The following ATP6V0D2 variants were observed in gnomAD, a reference collection of about 807,000 sequenced individuals.
ATP6V0D2 encodes V-type proton ATPase subunit d 2.
In ATP6V0D2, 40 loss-of-function variants were observed where a neutral mutation model predicts 40.0. The ratio of observed to expected loss-of-function variants is 1.00; its 90% CI spans 0.78 to 1.30. The LOEUF (loss-of-function observed/expected upper bound fraction) is 1.30. Ranked by LOEUF, ATP6V0D2 falls within the 50% of genes most tolerant of loss-of-function variation. The pLI, the probability that ATP6V0D2 is intolerant of heterozygous loss-of-function variation, is 0.00. For synonymous variants in ATP6V0D2, 179 were observed against 156.3 expected (o/e 1.15, Z -1.08); for missense variants, 470 against 423.1 (o/e 1.11, Z -0.97).
chr8:86,150,925 G>A (rs1008526326), intron 6 of ATP6V0D2, among the ~76,000 whole-genome samples: 3 of 152,134 alleles, frequency 2.0e-5, no homozygotes, highest in Non-Finnish European at 4.4e-5. Flanking sequence ...GGGCTAGAAT[G>A]ACACTCATCT....
At chr8:86,151,342 C>G in intron 6 of ATP6V0D2, 124 bp from the exon 7 acceptor site, 1 of 697,362 alleles carries the variant, frequency 1.4e-6, no homozygotes, top group South Asian at 2.4e-5. Context: ...TATAAAAAAA[C>G]ATTCAGTCCT....
intron 1 of ATP6V0D2, among the ~76,000 whole-genome samples, chr8:86,099,509 T>C (rs1818366320): frequency 6.6e-6 from 1 of 152,210 alleles, no homozygotes; most frequent in Non-Finnish European, 1.5e-5. Context: ...TATTTATTTA[T>C]TGAGATGGAG....
At chr8:86,111,433 C>T (rs780076627) in intron 1 of ATP6V0D2, among the ~76,000 whole-genome samples, 16 of 152,166 alleles carry the variant, frequency 1.1e-4, no homozygotes, top group Admixed American at 5.2e-4. Context: ...TTTTGAAGGC[C>T]GAGCAGTATC....
chr8:86,149,372 G>T (rs1273708686), intron 5 of ATP6V0D2, among the ~76,000 whole-genome samples: 2 of 152,192 alleles, frequency 1.3e-5, no homozygotes, highest in African/African-American at 4.8e-5. Context: ...CAGGAATGAT[G>T]AAGGGATACG....
intron 5 of ATP6V0D2, among the ~76,000 whole-genome samples, chr8:86,143,364 T>A (rs545541104): frequency 6.6e-6 from 1 of 152,318 alleles, no homozygotes; most frequent in South Asian, 2.1e-4. Flanking sequence ...TAGAGTAAAG[T>A]GAAAGCAAGT....
chr8:86,101,184 T>C (rs2130220883), intron 1 of ATP6V0D2, among the ~76,000 whole-genome samples: 1 of 145,748 alleles, frequency 6.9e-6, no homozygotes, highest in South Asian at 2.2e-4. Context: ...ATAGGTCGGG[T>C]ATAGTGGCTC....
At chr8:86,113,504 T>G (rs1024282823) in intron 1 of ATP6V0D2, among the ~76,000 whole-genome samples, 3 of 152,142 alleles carry the variant, frequency 2.0e-5, no homozygotes, top group Non-Finnish European at 2.9e-5. Flanking sequence ...AAACACATTT[T>G]CTGGTGTGCT....
intron 2 of ATP6V0D2, among the ~76,000 whole-genome samples, chr8:86,131,929 G>C (rs1045123271): frequency 1.3e-5 from 2 of 152,104 alleles, no homozygotes; most frequent in African/African-American, 4.8e-5. Context: ...TGTCCCCCTA[G>C]GTCTACAGGA....
At chr8:86,144,809 T>C (rs12056658) in intron 5 of ATP6V0D2, among the ~76,000 whole-genome samples, 23,878 of 151,712 alleles carry the variant, frequency 0.16, 2,138 homozygotes, top group East Asian at 0.32. Flanking sequence ...TGGAACCACA[T>C]GCACATGCCA....
chr8:86,131,736 G>A (rs1001937499), intron 2 of ATP6V0D2, among the ~76,000 whole-genome samples: 7 of 150,380 alleles, frequency 4.7e-5, no homozygotes, highest in East Asian at 4.0e-4. Context: ...CCTGACCTCC[G>A]GTGATTTGCC....
intron 2 of ATP6V0D2, among the ~76,000 whole-genome samples, chr8:86,128,692 A>G (rs1343478219): frequency 6.6e-6 from 1 of 152,240 alleles, no homozygotes; most frequent in African/African-American, 2.4e-5. Flanking sequence ...ACACAAAGAC[A>G]ACTCTGGGGT....
chr8:86,111,836 G>T (rs1050646906), intron 1 of ATP6V0D2, among the ~76,000 whole-genome samples: 1 of 152,104 alleles, frequency 6.6e-6, no homozygotes, highest in African/African-American at 2.4e-5. Flanking sequence ...CTATCTTTAT[G>T]GATCTGGGTC....
At chr8:86,146,373 G>A (rs1176976607) in intron 5 of ATP6V0D2, among the ~76,000 whole-genome samples, 1 of 152,106 alleles carries the variant, frequency 6.6e-6, no homozygotes, top group African/African-American at 2.4e-5. Context: ...GATGAGATTA[G>A]TGTTTGTTTG....
rs2129650278 is a variant in ATP6V0D2 at position 86,153,046 on chromosome 8, A to G, written c.*69A>G. 1.5e-6 allele frequency: 2 copies of G among 1,354,276 alleles called. No individual in the cohort carries two copies. Among genetic ancestry groups the G allele is most frequent in the East Asian group, 5.1e-5 (2 of 38,978 alleles). The allele number at this position is 1,354,276 out of a possible 1,614,324, so 83.9% of individuals were successfully genotyped here. A position where few individuals can be genotyped will look rare whatever the true frequency, so the allele number is the denominator to read the frequency against. On this transcript the variant is annotated 3_prime_UTR_variant, in exon 8 of 8. Transcript: ENST00000285393. ...GGAAGTTATTGAAGAAAATAAAAGA[A>G]ATTATGTTATATTATCTAGACTACA...
intron 5 of ATP6V0D2, among the ~76,000 whole-genome samples, chr8:86,148,270 A>C (rs1416329004): frequency 6.6e-6 from 1 of 152,192 alleles, no homozygotes; most frequent in Non-Finnish European, 1.5e-5. Flanking sequence ...AATTACTGAC[A>C]GGACTGGTTA....
intron 7 of ATP6V0D2, among the ~76,000 whole-genome samples, chr8:86,152,083 C>G (rs545261576): frequency 1.3e-5 from 2 of 152,100 alleles, no homozygotes; most frequent in East Asian, 3.9e-4. Context: ...CTATTCCCCC[C>G]ACCGACAGGC....
At chr8:86,129,395 G>A (rs966937535) in intron 2 of ATP6V0D2, among the ~76,000 whole-genome samples, 12 of 152,148 alleles carry the variant, frequency 7.9e-5, no homozygotes, top group Non-Finnish European at 1.5e-4. Flanking sequence ...GAATAATCTG[G>A]CCAGGCATGG....
At chr8:86,115,353 C>G (rs78165248) in intron 2 of ATP6V0D2, among the ~76,000 whole-genome samples, 5,300 of 130,552 alleles carry the variant, frequency 0.041, 434 homozygotes, top group African/African-American at 0.15. Context: ...CCTTCCGTAT[C>G]ATCCATTTTT....
chr8:86,113,658 A>G, intron 1 of ATP6V0D2, 51 bp from the exon 2 acceptor site: 1 of 1,487,058 alleles, frequency 6.7e-7, no homozygotes, highest in Non-Finnish European at 9.1e-7. Flanking sequence ...TGAAAAAGCT[A>G]TTTGTGTATG....
Sources: gnomAD v4.1 joint callset for allele counts (sites outside exome capture counted in the v4.1 genomes callset) on GRCh38, gnomAD v4.1.1 for gene constraint, MANE v1.5 for transcripts, NCBI Gene and HGNC (gene_info 2026-07-23, HGNC 2026-07-21) for gene names.